NCKAP5: variants seen among roughly 807,000 people sequenced by gnomAD.
NCKAP5 encodes the protein nck-associated protein 5.
Under a neutral mutation model 167.0 loss-of-function variants are expected in NCKAP5, and 92 were observed. That is an observed-to-expected ratio of 0.55 (90% confidence interval 0.47 to 0.66). The LOEUF (loss-of-function observed/expected upper bound fraction) is 0.66, where lower values mean the gene tolerates loss of function less well. NCKAP5 is among the 30% of genes least tolerant of loss of function. NCKAP5 has a pLI of 0.00. For missense variants in NCKAP5, 2,378 were observed against 2,315.0 expected (o/e 1.03, Z -0.56); for synonymous variants, 891 against 877.4 (o/e 1.02, Z -0.27).
chr2:133,647,767 AAAG>A, the NCKAP5 span, among the ~76,000 whole-genome samples: 436 of 151,478 alleles, frequency 2.9e-3, 3 homozygotes, highest in African/African-American at 0.01. Context: ...AGAAAAGAAA[AAAG>A]AAAAGAAAAA....
At chr2:133,468,959 G>T (rs796627970) in intron 3 of NCKAP5, among the ~76,000 whole-genome samples, 34 of 152,188 alleles carry the variant, frequency 2.2e-4, no homozygotes, top group South Asian at 4.2e-4. Context: ...CTTGACTCTT[G>T]ATCCAATTTG....
rs563052092 is a variant in NCKAP5 at position 133,070,191 on chromosome 2, T to C, written c.341+59787A>G. ...TTTGTAAAAGGTGGTATGGGAACAT[T>C]GTCTCCTTACTTAATGAAAAATAGT... On this transcript the variant is annotated intron_variant, in intron 6 of 19. Transcript: ENST00000409261. Among the ~76,000 whole-genome samples the C allele has an allele frequency of 1.1e-3, 169 of 152,290 alleles. 1 individual carries two copies. Among genetic ancestry groups the C allele is most frequent in the African/African-American group, 3.8e-3 (159 of 41,558 alleles).
chr2:133,381,909 G>A (rs1686552192), intron 3 of NCKAP5, among the ~76,000 whole-genome samples: 1 of 152,232 alleles, frequency 6.6e-6, no homozygotes, highest in Non-Finnish European at 1.5e-5. Flanking sequence ...GCTCTGCGCT[G>A]AAGTTTGGGT....
chr2:132,799,371 C>G (rs1021615285), intron 11 of NCKAP5, among the ~76,000 whole-genome samples: 4 of 152,114 alleles, frequency 2.6e-5, no homozygotes, highest in Non-Finnish European at 5.9e-5. Flanking sequence ...CGGAACAAAA[C>G]TGCAGAAGTA....
intron 5 of NCKAP5, among the ~76,000 whole-genome samples, chr2:133,145,897 T>G (rs1454182865): frequency 6.6e-6 from 1 of 152,144 alleles, no homozygotes; most frequent in Non-Finnish European, 1.5e-5. Flanking sequence ...CTTATTACAA[T>G]TTTTACAAGC....
At chr2:133,191,430 C>T (rs1376279416) in intron 5 of NCKAP5, among the ~76,000 whole-genome samples, 1 of 152,036 alleles carries the variant, frequency 6.6e-6, no homozygotes, top group South Asian at 2.1e-4. Context: ...TGGGTGTATA[C>T]CCAAAGGACA....
At chr2:133,110,080 C>T (rs1048198739) in intron 6 of NCKAP5, among the ~76,000 whole-genome samples, 1 of 152,128 alleles carries the variant, frequency 6.6e-6, no homozygotes, top group Admixed American at 6.5e-5. Context: ...TCCTACAGTC[C>T]CTCCCTGCCA....
chr2:133,183,367 C>T (rs952293214), intron 5 of NCKAP5, among the ~76,000 whole-genome samples: 1 of 151,900 alleles, frequency 6.6e-6, no homozygotes, highest in Non-Finnish European at 1.5e-5. Flanking sequence ...TACCAGCACA[C>T]TAAGAAACAG....
the NCKAP5 span, among the ~76,000 whole-genome samples, chr2:133,613,302 T>C: frequency 6.6e-6 from 1 of 152,344 alleles, no homozygotes; most frequent in East Asian, 1.9e-4. Context: ...AATGGTACTT[T>C]ATAACAGAAA....
chr2:132,816,666 G>A (rs1686297819), intron 11 of NCKAP5, among the ~76,000 whole-genome samples: 1 of 152,142 alleles, frequency 6.6e-6, no homozygotes, highest in Non-Finnish European at 1.5e-5. Flanking sequence ...TCACTTGCCT[G>A]AACACTCCTC....
chr2:132,826,691 A>T (rs1490206054), intron 11 of NCKAP5, among the ~76,000 whole-genome samples: 1 of 152,212 alleles, frequency 6.6e-6, no homozygotes, highest in Non-Finnish European at 1.5e-5. Flanking sequence ...GAATTATAAG[A>T]GCAGCAGAGG....
intron 6 of NCKAP5, among the ~76,000 whole-genome samples, chr2:133,036,332 T>C (rs186304488): frequency 6.6e-6 from 1 of 152,066 alleles, no homozygotes; most frequent in Admixed American, 6.5e-5. Flanking sequence ...ACAAGGTCTG[T>C]ATTACCCTCA....
At chr2:133,109,911 G>A (rs1035124612) in intron 6 of NCKAP5, among the ~76,000 whole-genome samples, 1 of 152,148 alleles carries the variant, frequency 6.6e-6, no homozygotes, top group South Asian at 2.1e-4. Context: ...AGAAACATGG[G>A]CATTCAAGTA....
intron 5 of NCKAP5, among the ~76,000 whole-genome samples, chr2:133,204,845 C>A (rs183479281): frequency 6.6e-6 from 1 of 152,312 alleles, no homozygotes; most frequent in Admixed American, 6.5e-5. Context: ...TTACAATGTG[C>A]ATTTCTCTGA....
intron 3 of NCKAP5, among the ~76,000 whole-genome samples, chr2:133,423,245 GAC>G (rs1274692951): frequency 6.6e-6 from 1 of 152,180 alleles, no homozygotes; most frequent in East Asian, 1.9e-4. Flanking sequence ...GAAAACTGAT[GAC>G]CCATAGCTAA....
intron 3 of NCKAP5, among the ~76,000 whole-genome samples, chr2:133,495,285 C>G (rs1438089940): frequency 6.6e-6 from 1 of 152,170 alleles, no homozygotes; most frequent in Admixed American, 6.5e-5. Flanking sequence ...GTCCATTTCT[C>G]ACTCATTTTT....
intron 9 of NCKAP5, among the ~76,000 whole-genome samples, chr2:132,874,154 G>A (rs1476273929): frequency 7.0e-6 from 1 of 143,106 alleles, no homozygotes; most frequent in Non-Finnish European, 1.5e-5. Flanking sequence ...TGTCACCCAG[G>A]CTGGAGTGCA....
rs902679144 is a variant in NCKAP5 at position 133,178,307 on chromosome 2, T to C, written c.207+35409A>G. ...TGAGGTCAGGAGTTTGAGACGACCC[T>C]GGCCAACATGGGGAAATTCTGTCTC... On this transcript the variant is annotated intron_variant, in intron 5 of 19. Transcript: ENST00000409261. Among the ~76,000 whole-genome samples, 5 of 151,064 alleles carry C rather than the reference T, an allele frequency of 3.3e-5. 1 individual carries two copies. The highest frequency in any genetic ancestry group is 2.0e-4 in the Admixed American group (3 of 15,202).
chr2:133,534,973 A>G (rs1685645528), intron 2 of NCKAP5, among the ~76,000 whole-genome samples: 1 of 152,180 alleles, frequency 6.6e-6, no homozygotes, highest in African/African-American at 2.4e-5. Context: ...ACTTCTCCAC[A>G]TCTTTTCAAC....
Sources: allele counts gnomAD v4.1 joint callset (sites outside exome capture counted in the v4.1 genomes callset), GRCh38; gene constraint gnomAD v4.1.1; transcripts MANE v1.5; gene names NCBI Gene and HGNC (gene_info 2026-07-23, HGNC 2026-07-21).